The following MBNL1 variants were observed in gnomAD, a reference collection of about 807,000 sequenced individuals.
MBNL1 encodes muscleblind like splicing regulator 1.
A neutral mutation model predicts 42.2 loss-of-function variants in MBNL1; 8 were observed. That is an observed-to-expected ratio of 0.19 (90% CI 0.11 to 0.34). The LOEUF (loss-of-function observed/expected upper bound fraction) is 0.34. Ranked by LOEUF, MBNL1 falls within the 10% of genes least tolerant of loss-of-function variation. The pLI is 1.00. For missense variants in MBNL1, 309 were observed against 495.3 expected (o/e 0.62, Z 3.57); for synonymous variants, 169 against 173.9 (o/e 0.97, Z 0.22).
chr3:152,462,081 A>C (rs1747134222), intron 9 of MBNL1, among the ~76,000 whole-genome samples: 1 of 152,154 alleles, frequency 6.6e-6, no homozygotes, highest in African/African-American at 2.4e-5. Context: ...AATTGTGCTA[A>C]AAAAGAGCTC....
intron 2 of MBNL1, among the ~76,000 whole-genome samples, chr3:152,391,394 T>C (rs2097710613): frequency 6.6e-6 from 1 of 152,250 alleles, no homozygotes; most frequent in Non-Finnish European, 1.5e-5. Flanking sequence ...TGTTCACAGA[T>C]TTTTGACACT....
intron 2 of MBNL1, among the ~76,000 whole-genome samples, chr3:152,414,620 T>C (rs1405795918): frequency 2.0e-5 from 3 of 152,206 alleles, no homozygotes; most frequent in African/African-American, 7.2e-5. Flanking sequence ...TGATATTCTT[T>C]GTTTGATATT....
intron 2 of MBNL1, among the ~76,000 whole-genome samples, chr3:152,411,993 T>C (rs1268877289): frequency 6.6e-6 from 1 of 152,196 alleles, no homozygotes; most frequent in African/African-American, 2.4e-5. Flanking sequence ...GAAATGAACA[T>C]TCATTCATTC....
At chr3:152,452,511 CATT>C (rs943232341) in intron 6 of MBNL1, among the ~76,000 whole-genome samples, 89 of 152,298 alleles carry the variant, frequency 5.8e-4, no homozygotes, top group African/African-American at 2.1e-3. Context: ...CTGATGTGAT[CATT>C]GTCTATGCTT....
At chr3:152,390,618 C>T (rs1185656546) in intron 2 of MBNL1, among the ~76,000 whole-genome samples, 2 of 148,796 alleles carry the variant, frequency 1.3e-5, no homozygotes, top group Non-Finnish European at 3.0e-5. Flanking sequence ...GTTATGCACA[C>T]ACACACACAC....
intron 2 of MBNL1, among the ~76,000 whole-genome samples, chr3:152,342,563 C>CACACACAG (rs1405088318): frequency 1.6e-5 from 2 of 126,044 alleles, no homozygotes; most frequent in African/African-American, 2.8e-5. Flanking sequence ...AACACACACA[C>CACACACAG]ACACACACAC....
chr3:152,252,906 T>C (rs1279634605), intron 2 of MBNL1, among the ~76,000 whole-genome samples: 1 of 152,124 alleles, frequency 6.6e-6, no homozygotes, highest in African/African-American at 2.4e-5. Context: ...CCAGTATTCA[T>C]AACTGAAAAT....
intron 2 of MBNL1, among the ~76,000 whole-genome samples, chr3:152,306,156 T>C (rs561542030): frequency 2.6e-5 from 4 of 152,352 alleles, no homozygotes; most frequent in African/African-American, 9.6e-5. Flanking sequence ...TCTTTAGAAC[T>C]ATTGGTTCCG....
At chr3:152,363,154 A>G (rs2153165961) in intron 2 of MBNL1, among the ~76,000 whole-genome samples, 1 of 152,290 alleles carries the variant, frequency 6.6e-6, no homozygotes, top group African/African-American at 2.4e-5. Context: ...ATGGTTTGCA[A>G]TATTGGAATT....
intron 2 of MBNL1, among the ~76,000 whole-genome samples, chr3:152,341,811 G>A (rs2152842295): frequency 6.6e-6 from 1 of 152,256 alleles, no homozygotes; most frequent in South Asian, 2.1e-4. Context: ...GGCAAATATA[G>A]GGATGAGCCC....
At chr3:152,370,417 A>G (rs2153229938) in intron 2 of MBNL1, among the ~76,000 whole-genome samples, 1 of 152,258 alleles carries the variant, frequency 6.6e-6, no homozygotes, top group Non-Finnish European at 1.5e-5. Flanking sequence ...TTTACTTCCA[A>G]TTCTGTGGTC....
At chr3:152,261,535 C>T (rs1576812872) in intron 2 of MBNL1, among the ~76,000 whole-genome samples, 1 of 152,128 alleles carries the variant, frequency 6.6e-6, no homozygotes, top group Admixed American at 6.5e-5. Context: ...GCCTCATTCT[C>T]GCCTTAGTGT....
intron 4 of MBNL1, among the ~76,000 whole-genome samples, chr3:152,435,450 G>A (rs1420086726): frequency 6.6e-6 from 1 of 152,140 alleles, no homozygotes; most frequent in East Asian, 1.9e-4. Context: ...TAGCCTTGTA[G>A]TATAGTTTGA....
At chr3:152,258,420 C>A (rs538391310) in intron 2 of MBNL1, among the ~76,000 whole-genome samples, 16 of 152,272 alleles carry the variant, frequency 1.1e-4, no homozygotes, top group African/African-American at 3.6e-4. Flanking sequence ...TGTCTAATAG[C>A]CAAGGCCATG....
chr3:152,309,630 G>C (rs1055599169), intron 2 of MBNL1, among the ~76,000 whole-genome samples: 1 of 152,136 alleles, frequency 6.6e-6, no homozygotes, highest in African/African-American at 2.4e-5. Context: ...AAGCTAGGAA[G>C]CTTTTCTATC....
intron 1 of MBNL1, among the ~76,000 whole-genome samples, chr3:152,282,455 T>C (rs1295193926): frequency 6.6e-6 from 1 of 152,132 alleles, no homozygotes; most frequent in Non-Finnish European, 1.5e-5. Flanking sequence ...AAATGAAATA[T>C]ATTAAACATG....
intron 2 of MBNL1, among the ~76,000 whole-genome samples, chr3:152,394,750 G>A (rs2097856078): frequency 6.6e-6 from 1 of 152,226 alleles, no homozygotes; most frequent in Non-Finnish European, 1.5e-5. Flanking sequence ...AGGGACAGGT[G>A]TCAGATGGAG....
At chr3:152,325,440 A>G (rs1248168509) in intron 2 of MBNL1, among the ~76,000 whole-genome samples, 2 of 152,152 alleles carry the variant, frequency 1.3e-5, no homozygotes, top group Non-Finnish European at 2.9e-5. Context: ...TGCTGGTTAA[A>G]GGAATGGAAC....
At chr3:152,358,210 T>G (rs923641832) in intron 2 of MBNL1, among the ~76,000 whole-genome samples, 1 of 152,204 alleles carries the variant, frequency 6.6e-6, no homozygotes, top group African/African-American at 2.4e-5. Flanking sequence ...AAAAGACAAA[T>G]TATGATTTCT....
Sources: gnomAD v4.1 joint callset for allele counts (sites outside exome capture counted in the v4.1 genomes callset) on GRCh38, gnomAD v4.1.1 for gene constraint, MANE v1.5 for transcripts, NCBI Gene and HGNC (gene_info 2026-07-23, HGNC 2026-07-21) for gene names.